The following SLCO2A1 variants were observed in gnomAD, a reference collection of about 807,000 sequenced individuals.
The protein encoded by SLCO2A1 is matrin F/G 1.
Under a neutral mutation model 71.7 loss-of-function variants are expected in SLCO2A1, and 60 were observed. The ratio of observed to expected loss-of-function variants is 0.84; its 90% CI spans 0.68 to 1.04. SLCO2A1 has a LOEUF of 1.04. Among genes scored for constraint, SLCO2A1 ranks in the 50% least tolerant of loss-of-function variants. SLCO2A1 has a pLI of 0.00. For synonymous variants in SLCO2A1, 308 were observed against 326.7 expected (o/e 0.94, Z 0.62); for missense variants, 745 against 813.4 (o/e 0.92, Z 1.02).
chr3:134,026,306 C>A (rs913690238), intron 1 of SLCO2A1, among the ~76,000 whole-genome samples: 16 of 151,548 alleles, frequency 1.1e-4, no homozygotes, highest in Admixed American at 7.9e-4. Flanking sequence ...ACCGTGTGGA[C>A]CCACCCGGAG....
intron 1 of SLCO2A1, among the ~76,000 whole-genome samples, chr3:133,997,120 T>C (rs973888988): frequency 6.6e-6 from 1 of 152,238 alleles, no homozygotes; most frequent in Non-Finnish European, 1.5e-5. Context: ...CCTGGATATG[T>C]CCATCCTCAA....
chr3:134,027,289 G>C (rs184928898), intron 1 of SLCO2A1, among the ~76,000 whole-genome samples: 28 of 152,292 alleles, frequency 1.8e-4, no homozygotes, highest in Admixed American at 1.4e-3. Context: ...CAGACAGCCC[G>C]GAGCCGCACC....
At position 133,962,740 on chromosome 3, in the gene SLCO2A1, C is replaced by T. The variant is rs142520876; in HGVS notation, c.398-7547G>A. Among the ~76,000 whole-genome samples, 19 of 152,312 alleles carry T rather than the reference C, an allele frequency of 1.2e-4. No homozygotes were observed. In the East Asian group the frequency reaches 1.4e-3, roughly 11 times the overall value. On this transcript the variant is annotated intron_variant, in intron 3 of 13. Transcript: ENST00000310926. ...TAAAGGCTGGAACACAGCTACTCCA[C>T]GTAACTTATAGAAGCATGGCAGGTT...
intron 1 of SLCO2A1, among the ~76,000 whole-genome samples, chr3:133,983,902 C>A (rs1160833784): frequency 6.6e-6 from 1 of 152,090 alleles, no homozygotes; most frequent in African/African-American, 2.4e-5. Flanking sequence ...GGCTTGACAC[C>A]GCTGTCACCG....
intron 9 of SLCO2A1, among the ~76,000 whole-genome samples, 156 bp downstream of exon 9, chr3:133,947,100 C>T (rs1446253384): frequency 6.6e-6 from 1 of 151,024 alleles, no homozygotes; most frequent in Non-Finnish European, 1.5e-5. Context: ...CGCCACTGCA[C>T]TACAGCCTGG....
intron 3 of SLCO2A1, among the ~76,000 whole-genome samples, chr3:133,957,460 T>C (rs1292891617): frequency 6.6e-6 from 1 of 152,166 alleles, no homozygotes; most frequent in African/African-American, 2.4e-5. Flanking sequence ...CCTAAGTAGC[T>C]GGTTTGGGGG....
At chr3:133,945,758 C>G (rs1430446501) in intron 9 of SLCO2A1, among the ~76,000 whole-genome samples, 2 of 152,170 alleles carry the variant, frequency 1.3e-5, no homozygotes, top group Non-Finnish European at 2.9e-5. Flanking sequence ...TGGTTGATCT[C>G]ACTGTTCCCA....
chr3:133,947,177 C>A, intron 9 of SLCO2A1, 79 bp downstream of exon 9: 2 of 1,222,134 alleles, frequency 1.6e-6, no homozygotes, highest in Non-Finnish European at 2.3e-6. Flanking sequence ...GTTAAGGAAG[C>A]AGGAAGGAAG....
chr3:134,016,891 TG>T (rs1935466135), intron 1 of SLCO2A1, among the ~76,000 whole-genome samples: 1 of 152,208 alleles, frequency 6.6e-6, no homozygotes, highest in African/African-American at 2.4e-5. Context: ...ACAACTTGGA[TG>T]GATCTCAAGG....
At chr3:133,996,398 A>G (rs560892732) in intron 1 of SLCO2A1, among the ~76,000 whole-genome samples, 31 of 152,344 alleles carry the variant, frequency 2.0e-4, no homozygotes, top group African/African-American at 7.5e-4. Flanking sequence ...TGCCCACCCC[A>G]TGAGAGCAGA....
intron 1 of SLCO2A1, among the ~76,000 whole-genome samples, chr3:134,006,195 C>G (rs1935211211): frequency 6.6e-6 from 1 of 152,110 alleles, no homozygotes; most frequent in Non-Finnish European, 1.5e-5. Context: ...GCTACCATGC[C>G]TGGCTAATTT....
intron 1 of SLCO2A1, among the ~76,000 whole-genome samples, chr3:133,982,961 G>C (rs1576446183): frequency 3.3e-5 from 5 of 152,176 alleles, no homozygotes; most frequent in African/African-American, 1.2e-4. Context: ...TACAGTCCTG[G>C]ACCCAGCCTG....
At chr3:134,003,587 C>T (rs1301770502) in intron 1 of SLCO2A1, among the ~76,000 whole-genome samples, 1 of 152,202 alleles carries the variant, frequency 6.6e-6, no homozygotes, top group Admixed American at 6.5e-5. Flanking sequence ...TACCTCTGCT[C>T]CCTGCATCCT....
At chr3:133,950,993 C>T (rs1383460447) in intron 6 of SLCO2A1, 2 of 571,284 alleles carry the variant, frequency 3.5e-6, no homozygotes, top group Non-Finnish European at 6.3e-6. Flanking sequence ...GACATGCTAA[C>T]ATGGTACGGG....
chr3:133,932,838 A>C lies in SLCO2A1; in HGVS notation c.*1875T>G, dbSNP rs1352441935. The C allele has an allele frequency of 6.6e-6, 1 of 152,632 alleles. No individual in the cohort carries two copies. Among genetic ancestry groups the C allele is most frequent in the Non-Finnish European group, 1.5e-5 (1 of 68,044 alleles). 9.5% of individuals were successfully genotyped at this position (152,632 alleles called of 1,614,324 possible). On this transcript the variant is annotated 3_prime_UTR_variant, in exon 14 of 14. Transcript: ENST00000310926. ...AAGGCAGTGCCTTCCAAATGTGGTT[A>C]AATTGCCATGGGAAAGACCAGGGTT...
At chr3:134,026,330 AG>A (rs1406243938) in intron 1 of SLCO2A1, among the ~76,000 whole-genome samples, 1 of 151,640 alleles carries the variant, frequency 6.6e-6, no homozygotes, top group Non-Finnish European at 1.5e-5. Flanking sequence ...CACCGGGACT[AG>A]ACAGCCCCCA....
Position 134,029,911 on chromosome 3 carries a change from C to T in SLCO2A1, c.-109G>A, listed in dbSNP as rs992938771. ...GCGGCGGCAGTGGCCGGAGGAGATT[C>T]GCGGAGCGGAGACTGAGCCAGCGAG... On this transcript the variant is annotated 5_prime_UTR_variant, in exon 1 of 14. Coordinates refer to ENST00000310926, the MANE Select transcript of SLCO2A1 (RefSeq NM_005630.3). 6 of 508,802 alleles carry T rather than the reference C, an allele frequency of 1.2e-5. No homozygotes were observed. Among genetic ancestry groups the T allele is most frequent in the Non-Finnish European group, 1.8e-5 (6 of 331,364 alleles). 31.5% of individuals were successfully genotyped at this position (508,802 alleles called of 1,614,324 possible). A position where few individuals can be genotyped will look rare whatever the true frequency, so the allele number is the denominator to read the frequency against.
intron 11 of SLCO2A1, among the ~76,000 whole-genome samples, chr3:133,939,964 T>C (rs1298920687): frequency 1.7e-5 from 1 of 60,308 alleles, no homozygotes; most frequent in Non-Finnish European, 3.7e-5. Context: ...AAAGTCATCT[T>C]TTTTTTTTTT....
chr3:134,010,518 C>T (rs1935312935), intron 1 of SLCO2A1, among the ~76,000 whole-genome samples: 1 of 151,894 alleles, frequency 6.6e-6, no homozygotes, highest in East Asian at 1.9e-4. Flanking sequence ...CTTTGGGAGG[C>T]CAAGGTGGGC....
Sources: allele counts gnomAD v4.1 joint callset (sites outside exome capture counted in the v4.1 genomes callset), GRCh38; gene constraint gnomAD v4.1.1; transcripts MANE v1.5; gene names NCBI Gene and HGNC (gene_info 2026-07-23, HGNC 2026-07-21).